PCDH9: variants seen among roughly 807,000 people sequenced by gnomAD.
PCDH9 encodes the protein protocadherin 9.
In PCDH9, 24 loss-of-function variants were observed where a neutral mutation model predicts 70.6. That is an observed-to-expected ratio of 0.34 (90% CI 0.25 to 0.48). The LOEUF (loss-of-function observed/expected upper bound fraction) is 0.48, where lower values mean the gene tolerates loss of function less well. PCDH9 is among the 20% of genes least tolerant of loss of function. The probability of loss-of-function intolerance (pLI) is 0.99; values close to 1 mark genes in which losing one functional copy is unlikely to be tolerated. For synonymous variants in PCDH9, 562 were observed against 558.5 expected, an observed-to-expected ratio of 1.01 and a Z score of -0.09; for missense variants, 1,281 against 1,503.6, an observed-to-expected ratio of 0.85 and a Z score of 2.45.
At chr13:67,088,455 C>T (rs2086153341) in intron 2 of PCDH9, among the ~76,000 whole-genome samples, 1 of 151,964 alleles carries the variant, frequency 6.6e-6, no homozygotes, top group African/African-American at 2.4e-5. Flanking sequence ...GACCATCACC[C>T]AGGATTCTTC....
chr13:66,404,200 C>T (rs1016976300), intron 4 of PCDH9, among the ~76,000 whole-genome samples: 1 of 152,114 alleles, frequency 6.6e-6, no homozygotes, highest in Non-Finnish European at 1.5e-5. Flanking sequence ...CTGCTTACTC[C>T]TGGCTTAATT....
At chr13:66,931,657 A>G (rs1351481341) in intron 2 of PCDH9, among the ~76,000 whole-genome samples, 1 of 152,130 alleles carries the variant, frequency 6.6e-6, no homozygotes, top group African/African-American at 2.4e-5. Flanking sequence ...CAAGAGTAGG[A>G]AGCAGCAAGC....
intron 2 of PCDH9, among the ~76,000 whole-genome samples, chr13:67,140,477 G>T (rs556343168): frequency 9.6e-4 from 146 of 152,294 alleles, no homozygotes; most frequent in Admixed American, 2.0e-3. Flanking sequence ...ATGGTATTTA[G>T]CTGCTTCAAG....
intron 2 of PCDH9, among the ~76,000 whole-genome samples, chr13:67,031,115 T>C (rs1448230286): frequency 6.6e-6 from 1 of 152,194 alleles, no homozygotes; most frequent in East Asian, 1.9e-4. Flanking sequence ...TATCTGTAAC[T>C]AATTTGAGTT....
In PCDH9 at chr13:67,009,279, A is replaced by T. The variant is rs183982171; in HGVS notation, c.3037-105674T>A. Among the ~76,000 whole-genome samples the T allele has an allele frequency of 3.2e-3, 491 of 152,182 alleles. 4 individuals carry two copies. Among genetic ancestry groups the T allele is most frequent in the African/African-American group, 0.011 (438 of 41,526 alleles). On this transcript the variant is annotated intron_variant, in intron 2 of 4. Coordinates refer to ENST00000377865, the MANE Select transcript of PCDH9 (RefSeq NM_203487.3). ...ATTGAGAAGCGCAATTCTAACACACAGTTGCAAACTCCTCTTCCAGATTTC... is the reference window on the plus strand; with the variant it reads ...ATTGAGAAGCGCAATTCTAACACACTGTTGCAAACTCCTCTTCCAGATTTC...
chr13:66,562,314 T>C (rs1451033315), intron 4 of PCDH9, among the ~76,000 whole-genome samples: 3 of 152,318 alleles, frequency 2.0e-5, no homozygotes, highest in South Asian at 4.2e-4. Flanking sequence ...TTACACATCA[T>C]TAAACCTTTA....
chr13:66,685,374 G>A (rs1397718248), intron 3 of PCDH9, among the ~76,000 whole-genome samples: 4 of 152,224 alleles, frequency 2.6e-5, no homozygotes, highest in African/African-American at 7.2e-5. Flanking sequence ...CAAGTGCACC[G>A]AAGTCAAAAA....
intron 4 of PCDH9, among the ~76,000 whole-genome samples, chr13:66,526,841 T>C (rs1473096953): frequency 6.6e-6 from 1 of 152,164 alleles, no homozygotes; most frequent in Non-Finnish European, 1.5e-5. Context: ...GTATTTTAGA[T>C]TACTTATACA....
At position 66,303,779 on chromosome 13, in the gene PCDH9, A is replaced by T. The variant is rs1955411265; in HGVS notation, c.*876T>A. Reference sequence around the variant, plus strand: ...TACTTTGAAAATAAGATGATAAAAAATAGGTTCTGAATTTCCAAGCTTTTG... The same window carrying T: ...TACTTTGAAAATAAGATGATAAAAATTAGGTTCTGAATTTCCAAGCTTTTG... On this transcript the variant is annotated 3_prime_UTR_variant, in exon 5 of 5. Coordinates refer to ENST00000377865, the MANE Select transcript of PCDH9 (RefSeq NM_203487.3). 6.6e-6 allele frequency: 1 copy of T among 152,306 alleles called. No homozygotes were observed. Among genetic ancestry groups the T allele is most frequent in the East Asian group, 1.9e-4 (1 of 5,178 alleles). 9.4% of individuals were successfully genotyped at this position (152,306 alleles called of 1,614,324 possible). A position where few individuals can be genotyped will look rare whatever the true frequency, so the allele number is the denominator to read the frequency against.
chr13:66,343,971 T>C (rs536825039), intron 4 of PCDH9, among the ~76,000 whole-genome samples: 15 of 152,300 alleles, frequency 9.8e-5, no homozygotes, highest in African/African-American at 3.4e-4. Flanking sequence ...ATTTGTTTCA[T>C]GCAGGAACAT....
At chr13:67,035,916 AC>A (rs1566378735) in intron 2 of PCDH9, among the ~76,000 whole-genome samples, 1 of 152,118 alleles carries the variant, frequency 6.6e-6, no homozygotes. Flanking sequence ...ATCTGGCCAC[AC>A]CCCAATTTTA....
chr13:66,943,793 G>A (rs1238229153), intron 2 of PCDH9, among the ~76,000 whole-genome samples: 3 of 152,060 alleles, frequency 2.0e-5, no homozygotes, highest in African/African-American at 4.8e-5. Flanking sequence ...GGCATGGAGA[G>A]GAGGAAAATG....
chr13:66,834,250 C>G (rs1479741254), intron 3 of PCDH9, among the ~76,000 whole-genome samples: 2 of 151,408 alleles, frequency 1.3e-5, no homozygotes, highest in Admixed American at 6.6e-5. Context: ...CTCCGTCCCC[C>G]GAGCTCAAGC....
At chr13:66,983,332 A>T (rs1180474461) in intron 2 of PCDH9, among the ~76,000 whole-genome samples, 1 of 152,168 alleles carries the variant, frequency 6.6e-6, no homozygotes, top group Non-Finnish European at 1.5e-5. Flanking sequence ...ACTTTGTAGA[A>T]TGAAATTTGC....
chr13:66,349,004 A>G (rs1593840425), intron 4 of PCDH9, among the ~76,000 whole-genome samples: 1 of 152,162 alleles, frequency 6.6e-6, no homozygotes, highest in Non-Finnish European at 1.5e-5. Flanking sequence ...AAAAATAGTC[A>G]CCAGACATAT....
intron 2 of PCDH9, among the ~76,000 whole-genome samples, chr13:66,940,265 G>T (rs1175519537): frequency 6.6e-6 from 1 of 151,970 alleles, no homozygotes; most frequent in African/African-American, 2.4e-5. Flanking sequence ...CTAACACCTT[G>T]TTCTAAATTA....
At chr13:66,890,673 A>G (rs2082082414) in intron 3 of PCDH9, among the ~76,000 whole-genome samples, 1 of 152,052 alleles carries the variant, frequency 6.6e-6, no homozygotes, top group South Asian at 2.1e-4. Flanking sequence ...TTTGATAAAA[A>G]GGCAATTAGC....
chr13:66,827,497 A>G (rs2080846515), intron 3 of PCDH9, among the ~76,000 whole-genome samples: 1 of 152,098 alleles, frequency 6.6e-6, no homozygotes, highest in East Asian at 1.9e-4. Context: ...TAAGCAGCAG[A>G]TGGTTATGAG....
chr13:66,342,043 T>A (rs929283260), intron 4 of PCDH9, among the ~76,000 whole-genome samples: 1 of 152,178 alleles, frequency 6.6e-6, no homozygotes, highest in Non-Finnish European at 1.5e-5. Flanking sequence ...AGCATTCATG[T>A]TTTCATAAGT....
Sources: allele counts gnomAD v4.1 joint callset (sites outside exome capture counted in the v4.1 genomes callset), GRCh38; gene constraint gnomAD v4.1.1; transcripts MANE v1.5; gene names NCBI Gene and HGNC (gene_info 2026-07-23, HGNC 2026-07-21).